Variants in KIAA1549 observed in about 807,000 individuals in gnomAD.
The protein encoded by KIAA1549 is UPF0606 protein KIAA1549.
Under a neutral mutation model 156.4 loss-of-function variants are expected in KIAA1549, and 70 were observed. The observed-to-expected ratio is 0.45, with a 90% confidence interval of 0.37 to 0.55. KIAA1549 has a LOEUF of 0.55. Among genes scored for constraint, KIAA1549 ranks in the 20% least tolerant of loss-of-function variants. The pLI, the probability that KIAA1549 is intolerant of heterozygous loss-of-function variation, is 0.00. For missense variants in KIAA1549, 2,428 were observed against 2,540.9 expected (o/e 0.96, Z 0.96); for synonymous variants, 1,103 against 1,066.4 (o/e 1.03, Z -0.67).
intron 18 of KIAA1549, among the ~76,000 whole-genome samples, chr7:138,842,108 G>A (rs1426936022): frequency 2.6e-5 from 4 of 152,238 alleles, no homozygotes; most frequent in African/African-American, 9.6e-5. Context: ...AATGCTGCAA[G>A]AGCAGCGCGG....
In KIAA1549 at chr7:138,837,845, T is replaced by C; in HGVS notation, c.*61A>G. ...TCTTCCAAACACCCACTCAGTTGAT[T>C]TCCTTTTGGTCTTGCTTCCACAGGA... On this transcript the variant is annotated 3_prime_UTR_variant, in exon 20 of 20. Coordinates refer to ENST00000422774, the MANE Select transcript of KIAA1549 (RefSeq NM_001164665.2). 6.4e-7 allele frequency: 1 copy of C among 1,561,738 alleles called. No individual in the cohort carries two copies. The highest frequency in any genetic ancestry group is 8.7e-7 in the Non-Finnish European group (1 of 1,152,526).
chr7:138,979,771 A>G (rs1281382886), intron 1 of KIAA1549, among the ~76,000 whole-genome samples: 1 of 152,212 alleles, frequency 6.6e-6, no homozygotes, highest in Non-Finnish European at 1.5e-5. Context: ...AAAGAGACTC[A>G]TTCTGTCACC....
intron 1 of KIAA1549, among the ~76,000 whole-genome samples, chr7:138,940,773 G>A (rs534451411): frequency 6.6e-6 from 1 of 152,346 alleles, no homozygotes; most frequent in African/African-American, 2.4e-5. Context: ...CAGTGATGAT[G>A]AGCATTTTTT....
At chr7:138,890,970 C>T (rs1201882793) in intron 10 of KIAA1549, among the ~76,000 whole-genome samples, 4 of 152,198 alleles carry the variant, frequency 2.6e-5, no homozygotes, top group Non-Finnish European at 5.9e-5. Context: ...CCTCCGCTCC[C>T]CCACTGGGCC....
At chr7:138,926,527 CGTCT>C (rs1199852558) in intron 1 of KIAA1549, among the ~76,000 whole-genome samples, 3 of 152,104 alleles carry the variant, frequency 2.0e-5, no homozygotes, top group Non-Finnish European at 4.4e-5. Context: ...TCAAGTGATC[CGTCT>C]GTCTCGGTCT....
intron 19 of KIAA1549, among the ~76,000 whole-genome samples, chr7:138,838,813 G>A (rs181698049): frequency 3.9e-5 from 6 of 152,160 alleles, no homozygotes; most frequent in South Asian, 4.1e-4. Flanking sequence ...TTCTTTCTAC[G>A]TTTCACTTCT....
intron 1 of KIAA1549, among the ~76,000 whole-genome samples, chr7:138,975,494 A>G (rs1160489015): frequency 6.6e-6 from 1 of 152,150 alleles, no homozygotes; most frequent in Non-Finnish European, 1.5e-5. Flanking sequence ...TAGGAGCTAC[A>G]GGGAGAAATG....
chr7:138,930,125 T>G (rs1812830499), intron 1 of KIAA1549, among the ~76,000 whole-genome samples: 1 of 152,218 alleles, frequency 6.6e-6, no homozygotes, highest in Non-Finnish European at 1.5e-5. Flanking sequence ...CTAGGTCCAT[T>G]GTCAATGAGC....
At chr7:138,901,391 T>A (rs1811837850) in intron 8 of KIAA1549, among the ~76,000 whole-genome samples, 1 of 151,492 alleles carries the variant, frequency 6.6e-6, no homozygotes, top group African/African-American at 2.4e-5. Flanking sequence ...ATTGGTGTGA[T>A]CTTAGCTCAC....
chr7:138,836,818 T>C lies in KIAA1549; in HGVS notation c.*1088A>G. On this transcript the variant is annotated 3_prime_UTR_variant, in exon 20 of 20. Transcript: ENST00000422774. ...ATTTCTTGATTCATTACAGAGAGGC[T>C]GAACTGAACTCAATTTCATTTCCAG... 4.4e-6 allele frequency: 1 copy of C among 225,046 alleles called. No individual in the cohort carries two copies. The highest frequency in any genetic ancestry group is 6.5e-5 in the East Asian group (1 of 15,400). The allele number at this position is 225,046 out of a possible 1,614,324, so 13.9% of individuals were successfully genotyped here.
rs1172032878 is a variant in KIAA1549 at position 138,831,503 on chromosome 7, GA to G, written c.*6402del. On this transcript the variant is annotated 3_prime_UTR_variant, in exon 20 of 20. Transcript: ENST00000422774. ...ATTTCAAAAACTCTACAGCACATTA[GA>G]AAACAGTGCAGCTATTGAAGGATAG... 16 of 217,434 alleles carry G rather than the reference GA, an allele frequency of 7.4e-5. No individual in the cohort carries two copies. Among genetic ancestry groups the G allele is most frequent in the African/African-American group, 3.4e-4 (15 of 44,472 alleles). 13.5% of individuals were successfully genotyped at this position (217,434 alleles called of 1,614,324 possible). A position where few individuals can be genotyped will look rare whatever the true frequency, so the allele number is the denominator to read the frequency against.
At chr7:138,869,856 A>T in intron 13 of KIAA1549, 95 bp from the exon 14 acceptor site, 1 of 879,656 alleles carries the variant, frequency 1.1e-6, no homozygotes, top group Non-Finnish European at 1.7e-6. Flanking sequence ...TTTTATGTTT[A>T]TTTATTTATT....
At chr7:138,924,254 A>T (rs1812649662) in intron 1 of KIAA1549, among the ~76,000 whole-genome samples, 1 of 151,608 alleles carries the variant, frequency 6.6e-6, no homozygotes, top group African/African-American at 2.4e-5. Context: ...AAACGTAAGA[A>T]GTAATAAAAT....
At position 138,918,228 on chromosome 7, in the gene KIAA1549, G is replaced by T. The variant is rs572555872; in HGVS notation, c.1398C>A (p.Ser466Arg). ...CAAATTCAGAGAAGTCTGCTACGAC[G>T]CTACTCATTAGAGAGATGCTGCTTT... ...LEESSISLMS[S>R]VVADFSEFEE... Residue 466 changes from serine to arginine, a missense_variant, in exon 2 of 20, where the codon AGC becomes AGA. Ser to Arg is a moderately radical substitution (Grantham distance 110, BLOSUM62 -1). Transcript: ENST00000422774. The surrounding 1 kb of genome is among the most constrained non-coding windows in gnomAD (Gnocchi z 4.2). 6.2e-7 allele frequency: 1 copy of T among 1,613,840 alleles called. No homozygotes were observed. The highest frequency in any genetic ancestry group is 8.5e-7 in the Non-Finnish European group (1 of 1,179,878).
chr7:138,937,857 T>C (rs1486479578), intron 1 of KIAA1549, among the ~76,000 whole-genome samples: 1 of 152,136 alleles, frequency 6.6e-6, no homozygotes, highest in East Asian at 1.9e-4. Flanking sequence ...TGCAGAAAGA[T>C]GATCATTGGG....
intron 1 of KIAA1549, among the ~76,000 whole-genome samples, chr7:138,961,818 G>A (rs150731632): frequency 1.2e-4 from 18 of 144,376 alleles, no homozygotes; most frequent in Non-Finnish European, 2.4e-4. Flanking sequence ...CTCCAGCCTA[G>A]GTGACAGATA....
intron 1 of KIAA1549, among the ~76,000 whole-genome samples, chr7:138,961,503 T>C (rs903129430): frequency 3.3e-5 from 5 of 152,158 alleles, no homozygotes; most frequent in African/African-American, 1.2e-4. Context: ...GGGAGGCTGC[T>C]GCTGTACACA....
At chr7:138,908,922 T>G (rs1812086880) in intron 5 of KIAA1549, 69 bp downstream of exon 5, 1 of 1,585,356 alleles carries the variant, frequency 6.3e-7, no homozygotes, top group Admixed American at 1.7e-5. Context: ...AAGCACATCT[T>G]AAACAATGTG....
chr7:138,975,855 C>T (rs1814362327), intron 1 of KIAA1549, among the ~76,000 whole-genome samples: 1 of 152,098 alleles, frequency 6.6e-6, no homozygotes, highest in Non-Finnish European at 1.5e-5. Flanking sequence ...GATAGAAAAC[C>T]TGTGGCTCCC....
Sources: gnomAD v4.1 joint callset for allele counts (sites outside exome capture counted in the v4.1 genomes callset) on GRCh38, gnomAD v4.1.1 for gene constraint, Gnocchi (gnomAD v3.1) non-coding constraint, MANE v1.5 for transcripts, NCBI Gene and HGNC (gene_info 2026-07-23, HGNC 2026-07-21) for gene names.